Variants in LAMC3 observed in about 807,000 individuals in gnomAD.
LAMC3 encodes laminin subunit gamma-3.
Under a neutral mutation model 173.8 loss-of-function variants are expected in LAMC3, and 128 were observed. That is an observed-to-expected ratio of 0.74 (90% CI 0.64 to 0.85). The LOEUF (loss-of-function observed/expected upper bound fraction) is 0.85, where lower values mean the gene tolerates loss of function less well. Ranked by LOEUF, LAMC3 falls within the 40% of genes least tolerant of loss-of-function variation. The probability of loss-of-function intolerance (pLI) is 0.00; values close to 1 mark genes in which losing one functional copy is unlikely to be tolerated. For missense variants in LAMC3, 2,022 were observed against 2,156.0 expected (o/e 0.94, Z 1.23); for synonymous variants, 897 against 909.1 (o/e 0.99, Z 0.24).
At chr9:131,065,419 A>T (rs7869047) in intron 13 of LAMC3, among the ~76,000 whole-genome samples, 13,055 of 152,182 alleles carry the variant, frequency 0.086, 1,782 homozygotes, top group African/African-American at 0.29. Context: ...AACATGAGAA[A>T]CAGAAAAGGT....
Position 131,067,179 on chromosome 9 carries a change from C to G in LAMC3, c.2567C>G (p.Ala856Gly). 6.2e-7 allele frequency: 1 copy of G among 1,614,066 alleles called. No individual in the cohort carries two copies. Reference protein sequence around the residue: ...CQEGFYGSALAPRPADKCMPC... With the variant: ...CQEGFYGSALGPRPADKCMPC... Reference sequence around the variant, plus strand: ...GAAGGCTTCTACGGGAGCGCCCTGGCCCCTCGACCCGCAGACAAATGCATG... The same window carrying G: ...GAAGGCTTCTACGGGAGCGCCCTGGGCCCTCGACCCGCAGACAAATGCATG... Residue 856 changes from alanine to glycine, a missense_variant, in exon 14 of 28, where the codon GCC becomes GGC. By Grantham distance (60) the Ala-to-Gly change is moderately conservative. Transcript: ENST00000361069.
At position 131,052,602 on chromosome 9, in the gene LAMC3, G is replaced by T; in HGVS notation, c.1742G>T (p.Gly581Val). Residue 581 changes from glycine (G) to valine (V), a missense_variant, in exon 10 of 28, where the codon GGC becomes GTC. Physicochemically the swap from Gly to Val is moderately radical, Grantham distance 109. Coordinates refer to ENST00000361069, the MANE Select transcript of LAMC3 (RefSeq NM_006059.4). The part of the protein sequence containing the change: ...LPVQLRLEGT[G>V]LALSLRHSSL... ...GTACAGCTGAGGCTGGAAGGGACAGGCTTGGCCCTGTCCCTGAGGCACTCT... is the reference window on the plus strand; with the variant it reads ...GTACAGCTGAGGCTGGAAGGGACAGTCTTGGCCCTGTCCCTGAGGCACTCT... The T allele has an allele frequency of 6.2e-7, 1 of 1,614,044 alleles. No individual in the cohort carries two copies. Among genetic ancestry groups the T allele is most frequent in the Middle Eastern group, 1.7e-4 (1 of 6,060 alleles).
In LAMC3 at chr9:131,073,223, C is replaced by T. The variant is rs770177792; in HGVS notation, c.3418-22C>T. On this transcript the variant is annotated intron_variant, in intron 19 of 27. Transcript: ENST00000361069. ...TTTGGCGATGGGCCATCAGTTTCCT[C>T]CTCTTCCTCTTCTTTCTACAGGAGA... is the stretch of plus-strand genomic sequence containing the variant. The T allele has an allele frequency of 1.9e-6, 3 of 1,593,206 alleles. No homozygotes were observed. The African/African-American group carries it at 4.0e-5, about 21-fold the overall frequency.
In LAMC3 at chr9:131,026,169, A is replaced by C. The variant is rs1833711287; in HGVS notation, c.374-116A>C. The C allele has an allele frequency of 2.6e-6, 4 of 1,550,552 alleles. No homozygotes were observed. In the African/African-American group the frequency reaches 4.1e-5, roughly 16 times the overall value. The stretch of plus-strand genomic sequence containing the variant: ...GCTTCCCCTGTCCAGAGCTCCAGAC[A>C]GCTTCCAGCGATCCATCCACGCTAG... On this transcript the variant is annotated intron_variant, in intron 1 of 27. Transcript: ENST00000361069. This position sits in a 1 kb window ranked among gnomAD's most constrained non-coding sequence, Gnocchi z 4.8.
chr9:131,031,666 C>T (rs1588142326), intron 2 of LAMC3, among the ~76,000 whole-genome samples: 1 of 152,346 alleles, frequency 6.6e-6, no homozygotes, highest in African/African-American at 2.4e-5. Context: ...CAGTGGGCTG[C>T]TTTGACCCCT....
At chr9:131,032,511 T>C (rs557004480) in intron 3 of LAMC3, among the ~76,000 whole-genome samples, 1 of 149,720 alleles carries the variant, frequency 6.7e-6, no homozygotes, top group South Asian at 2.1e-4. Flanking sequence ...TCACTCGCTC[T>C]CTCTCTCTTG....
At chr9:131,041,547 G>A in intron 6 of LAMC3, 90 bp from the exon 7 acceptor site, 2 of 1,128,790 alleles carry the variant, frequency 1.8e-6, no homozygotes, top group Non-Finnish European at 1.3e-6. Flanking sequence ...CCTGATGTTG[G>A]CAGCAGGGAA....
chr9:131,024,885 G>T (rs1423928227), intron 1 of LAMC3, among the ~76,000 whole-genome samples: 2 of 152,118 alleles, frequency 1.3e-5, no homozygotes, highest in East Asian at 3.9e-4. Context: ...CACATTGCAG[G>T]AGGCCCCCTC....
chr9:131,056,972 A>T lies in LAMC3; in HGVS notation c.1983A>T (p.Pro661=). Residue 661 remains proline, a synonymous_variant, in exon 12 of 28, where the codon CCA becomes CCT. Transcript: ENST00000361069. The stretch of plus-strand genomic sequence containing the variant: ...AGGTCCGGCTCACATCCGCCCGGCC[A>T]GGGCTTTCCCCGCCAGCCTCCTGGG... ...LTEVRLTSAR[P]GLSPPASWVE... 3.1e-6 allele frequency: 5 copies of T among 1,613,906 alleles called. No individual in the cohort carries two copies. Among genetic ancestry groups the T allele is most frequent in the Non-Finnish European group, 4.2e-6 (5 of 1,180,026 alleles).
chr9:131,046,871 C>G (rs1392422994), intron 8 of LAMC3, among the ~76,000 whole-genome samples: 1 of 139,234 alleles, frequency 7.2e-6, no homozygotes, highest in Non-Finnish European at 1.6e-5. Flanking sequence ...ACCTCAGGGC[C>G]GACGCTGGGG....
chr9:131,014,146 G>A (rs1045609324), intron 1 of LAMC3, among the ~76,000 whole-genome samples: 3 of 152,230 alleles, frequency 2.0e-5, no homozygotes, highest in Non-Finnish European at 4.4e-5. Flanking sequence ...TGCAGGGCTA[G>A]GAAGTGGCAA....
intron 23 of LAMC3, among the ~76,000 whole-genome samples, chr9:131,081,031 C>G (rs1830228909): frequency 1.3e-5 from 2 of 152,262 alleles, no homozygotes; most frequent in African/African-American, 4.8e-5. Context: ...CCACCCCTAA[C>G]TCCATGCCCA....
intron 14 of LAMC3, among the ~76,000 whole-genome samples, 176 bp downstream of exon 14, chr9:131,067,381 A>G (rs187106393): frequency 4.3e-4 from 66 of 152,224 alleles, no homozygotes; most frequent in African/African-American, 1.4e-3. Flanking sequence ...CAGAAAGCAC[A>G]AGGGTTTGCC....
intron 4 of LAMC3, among the ~76,000 whole-genome samples, chr9:131,038,581 C>G (rs564236178): frequency 6.6e-6 from 1 of 152,210 alleles, no homozygotes; most frequent in South Asian, 2.1e-4. Flanking sequence ...GCCCATCTAT[C>G]TGGGTGTATA....
chr9:131,072,805 T>C lies in LAMC3; in HGVS notation c.3387T>C (p.Ile1129=). The part of the protein sequence containing the change: ...EAVLESSEEE[I]LHAAAILASL... The stretch of plus-strand genomic sequence containing the variant: ...TGCTGGAGTCCTCGGAAGAGGAGAT[T>C]CTGCATGCAGCTGCCATTCTCGCGT... The change falls in exon 19 of 28, where the codon ATT becomes ATC. Residue 1129 remains isoleucine, a synonymous_variant. Coordinates refer to ENST00000361069, the MANE Select transcript of LAMC3 (RefSeq NM_006059.4). The C allele has an allele frequency of 6.2e-7, 1 of 1,612,930 alleles. No individual in the cohort carries two copies. The highest frequency in any genetic ancestry group is 8.5e-7 in the Non-Finnish European group (1 of 1,179,624).
At chr9:131,046,879 G>A (rs927429042) in intron 8 of LAMC3, among the ~76,000 whole-genome samples, 1 of 139,590 alleles carries the variant, frequency 7.2e-6, no homozygotes, top group Non-Finnish European at 1.6e-5. Context: ...GCCGACGCTG[G>A]GGCGGCCCCA....
Position 131,052,513 on chromosome 9 carries a change from G to A in LAMC3, c.1653G>A (p.Arg551=). ...CAGAGAAGTTCCTGGGAGACCAGCGGTTCAGCTATGGGCAGCCCCTCATAC... is the reference window on the plus strand; with the variant it reads ...CAGAGAAGTTCCTGGGAGACCAGCGATTCAGCTATGGGCAGCCCCTCATAC... ...TAPEKFLGDQ[R]FSYGQPLILT... The change falls in exon 10 of 28, where the codon CGG becomes CGA. Residue 551 remains arginine, a synonymous_variant. Coordinates refer to ENST00000361069, the MANE Select transcript of LAMC3 (RefSeq NM_006059.4). The A allele has an allele frequency of 1.2e-6, 2 of 1,614,164 alleles. No homozygotes were observed. Among genetic ancestry groups the A allele is most frequent in the South Asian group, 2.2e-5 (2 of 91,086 alleles).
chr9:131,071,759 A>G (rs976443405), intron 18 of LAMC3, 134 bp downstream of exon 18: 15 of 828,272 alleles, frequency 1.8e-5, no homozygotes, highest in Admixed American at 1.2e-4. Context: ...TCCCTAGCCC[A>G]CCTGTAACTT....
In LAMC3 at chr9:131,087,491, C is replaced by A; in HGVS notation, c.4246C>A (p.Leu1416Met). The change falls in exon 26 of 28, where the codon CTG (leucine) becomes ATG (methionine). Residue 1416 changes from leucine (L) to methionine (M), a missense_variant. Coordinates refer to ENST00000361069, the MANE Select transcript of LAMC3 (RefSeq NM_006059.4). ...CATCCCATAGCTTGCCAAGGCCTTG[C>A]TGAGGGAGCGGAAACAGGCGCACCG... Reference protein sequence around the residue: ...KDSAKLAKALLRERKQAHRRA... With the variant: ...KDSAKLAKALMRERKQAHRRA... 2 of 1,613,720 alleles carry A rather than the reference C, an allele frequency of 1.2e-6. No individual in the cohort carries two copies. The highest frequency in any genetic ancestry group is 1.7e-6 in the Non-Finnish European group (2 of 1,180,036).
Sources: gnomAD v4.1 joint callset for allele counts (sites outside exome capture counted in the v4.1 genomes callset) on GRCh38, gnomAD v4.1.1 for gene constraint, Gnocchi (gnomAD v3.1) non-coding constraint, MANE v1.5 for transcripts, NCBI Gene and HGNC (gene_info 2026-07-23, HGNC 2026-07-21) for gene names.